Variants in MAPT observed in about 807,000 individuals in gnomAD.
MAPT encodes the protein microtubule-associated protein tau.
Under a neutral mutation model 67.9 loss-of-function variants are expected in MAPT, and 34 were observed. That is an observed-to-expected ratio of 0.50 (90% CI 0.38 to 0.67). The LOEUF (loss-of-function observed/expected upper bound fraction) is 0.67, where lower values mean the gene tolerates loss of function less well. Ranked by LOEUF, MAPT falls within the 30% of genes least tolerant of loss-of-function variation. The pLI, the probability that MAPT is intolerant of heterozygous loss-of-function variation, is 0.00. For synonymous variants in MAPT, 456 were observed against 464.5 expected (o/e 0.98, Z 0.23); for missense variants, 881 against 1,115.2 (o/e 0.79, Z 2.99).
chr17:45,947,371 C>G (rs1568216801), intron 1 of MAPT, among the ~76,000 whole-genome samples: 1 of 150,494 alleles, frequency 6.6e-6, no homozygotes, highest in Non-Finnish European at 1.5e-5. Context: ...GCCTCCTCAT[C>G]TCTTTCTTTT....
At chr17:45,940,189 T>C (rs1300199446) in intron 1 of MAPT, among the ~76,000 whole-genome samples, 2 of 152,204 alleles carry the variant, frequency 1.3e-5, no homozygotes, top group African/African-American at 4.8e-5. Flanking sequence ...ATCAAATGCA[T>C]GGATTTGATG....
chr17:45,974,236 T>C, intron 3 of MAPT: 1 of 681,878 alleles, frequency 1.5e-6, no homozygotes, highest in Non-Finnish European at 2.7e-6. Context: ...TAGCAGGGGC[T>C]CCGGGCCCTA....
chr17:45,970,466 G>GATTTACCA, intron 2 of MAPT, among the ~76,000 whole-genome samples: 1 of 152,224 alleles, frequency 6.6e-6, no homozygotes, highest in Non-Finnish European at 1.5e-5. Context: ...ATGGTCCCCT[G>GATTTACCA]TGGACAGCCC....
intron 1 of MAPT, among the ~76,000 whole-genome samples, chr17:45,955,575 G>A (rs1470942496): frequency 2.0e-5 from 3 of 152,210 alleles, no homozygotes; most frequent in Non-Finnish European, 4.4e-5. Context: ...CACAGACTTG[G>A]TGATGTGTCG....
chr17:46,013,731 G>A (rs903930503), intron 10 of MAPT, among the ~76,000 whole-genome samples: 1 of 152,072 alleles, frequency 6.6e-6, no homozygotes, highest in African/African-American at 2.4e-5. Context: ...CCCACGCATC[G>A]ACCCTCACAG....
intron 1 of MAPT, among the ~76,000 whole-genome samples, chr17:45,939,166 C>G (rs2067638055): frequency 6.6e-6 from 1 of 152,032 alleles, no homozygotes; most frequent in Non-Finnish European, 1.5e-5. Flanking sequence ...ACCATTTTGT[C>G]TAGGCTGGTC....
chr17:45,950,790 G>A (rs796430543), intron 1 of MAPT, among the ~76,000 whole-genome samples: 6 of 152,172 alleles, frequency 3.9e-5, no homozygotes, highest in African/African-American at 1.4e-4. Flanking sequence ...AGCCTCCCGA[G>A]TAGCTGAGAT....
intron 5 of MAPT, chr17:45,985,833 G>A: frequency 2.0e-6 from 1 of 499,488 alleles, no homozygotes; most frequent in Non-Finnish European, 2.6e-6. Context: ...GGTAAGCCTG[G>A]GAGTCTTTTA....
At chr17:45,975,585 C>T (rs2072243335) in intron 3 of MAPT, 1 of 152,216 alleles carries the variant, frequency 6.6e-6, no homozygotes, top group South Asian at 2.1e-4. Context: ...CCTCCTCTCC[C>T]TTCACAGTTA....
chr17:46,012,892 C>T (rs2075915402), intron 10 of MAPT, among the ~76,000 whole-genome samples: 1 of 152,022 alleles, frequency 6.6e-6, no homozygotes, highest in South Asian at 2.1e-4. Flanking sequence ...ACAGCTCTCT[C>T]CAAGCCAGGC....
chr17:46,022,958 C>T, intron 12 of MAPT, among the ~76,000 whole-genome samples: 1 of 152,174 alleles, frequency 6.6e-6, no homozygotes, highest in Non-Finnish European at 1.5e-5. Context: ...CATCCATCCA[C>T]CCATCCACAC....
At chr17:46,001,927 C>G (rs1372206490) in intron 9 of MAPT, among the ~76,000 whole-genome samples, 1 of 152,132 alleles carries the variant, frequency 6.6e-6, no homozygotes, top group Non-Finnish European at 1.5e-5. Flanking sequence ...ACAGGCAGAC[C>G]CTTGTTTGGG....
At chr17:46,005,397 G>A (rs1206489636) in intron 9 of MAPT, among the ~76,000 whole-genome samples, 1 of 152,034 alleles carries the variant, frequency 6.6e-6, no homozygotes, top group Admixed American at 6.6e-5. Context: ...CTAATTCTAA[G>A]CTGTTCCCAC....
At chr17:45,920,608 C>G (rs574301660) in intron 1 of MAPT, among the ~76,000 whole-genome samples, 13 of 152,346 alleles carry the variant, frequency 8.5e-5, no homozygotes, top group Non-Finnish European at 8.8e-5. Context: ...TGCCCCTTGA[C>G]CCTCCCTGGC....
intron 9 of MAPT, chr17:45,999,435 G>A (rs867338908): frequency 1.2e-5 from 20 of 1,613,930 alleles, no homozygotes; most frequent in South Asian, 4.4e-5. Context: ...GCTTAGCATG[G>A]GAAGTAGCTT....
At chr17:45,962,928 AAAAAG>A (rs2070616609) in intron 2 of MAPT, among the ~76,000 whole-genome samples, 1 of 152,152 alleles carries the variant, frequency 6.6e-6, no homozygotes, top group African/African-American at 2.4e-5. Flanking sequence ...CTGTCAAAAA[AAAAAG>A]AAAAGAAAAA....
intron 1 of MAPT, among the ~76,000 whole-genome samples, chr17:45,955,436 G>A (rs2069528861): frequency 6.6e-6 from 1 of 152,166 alleles, no homozygotes; most frequent in Non-Finnish European, 1.5e-5. Flanking sequence ...AATCGGCCCC[G>A]CCTGCTGCTG....
At chr17:46,016,158 G>A (rs531251683) in intron 11 of MAPT, among the ~76,000 whole-genome samples, 12 of 152,296 alleles carry the variant, frequency 7.9e-5, no homozygotes, top group African/African-American at 2.9e-4. Context: ...TTGGGAGGCG[G>A]GGGTGGGCAG....
Position 46,010,287 on chromosome 17 carries a change from A to G in MAPT, c.1999-23A>G. ...GCGGGTCCAGGGTGGCGTGTCACTC[A>G]TCCTTTTTTCTGGCTACCAAAGGTG... On this transcript the variant is annotated intron_variant, in intron 9 of 12. Transcript: ENST00000262410. This position sits in a 1 kb window ranked among gnomAD's most constrained non-coding sequence, Gnocchi z 4.7. 6.6e-7 allele frequency: 1 copy of G among 1,524,188 alleles called. No individual in the cohort carries two copies. The highest frequency in any genetic ancestry group is 8.9e-7 in the Non-Finnish European group (1 of 1,121,124). 94.4% of individuals were successfully genotyped at this position (1,524,188 alleles called of 1,614,324 possible). A position where few individuals can be genotyped will look rare whatever the true frequency, so the allele number is the denominator to read the frequency against.
Sources: gnomAD v4.1 joint callset for allele counts (sites outside exome capture counted in the v4.1 genomes callset) on GRCh38, gnomAD v4.1.1 for gene constraint, Gnocchi (gnomAD v3.1) non-coding constraint, MANE v1.5 for transcripts, NCBI Gene and HGNC (gene_info 2026-07-23, HGNC 2026-07-21) for gene names.